The following SEMA5A variants were observed in gnomAD, a reference collection of about 807,000 sequenced individuals.
The protein encoded by SEMA5A is semaphorin-5A.
Under a neutral mutation model 135.5 loss-of-function variants are expected in SEMA5A, and 55 were observed. The ratio of observed to expected loss-of-function variants is 0.41; its 90% CI spans 0.33 to 0.51. The LOEUF (loss-of-function observed/expected upper bound fraction) is 0.51, where lower values mean the gene tolerates loss of function less well. SEMA5A is among the 20% of genes least tolerant of loss of function. The pLI is 0.37. For synonymous variants in SEMA5A, 580 were observed against 546.5 expected (o/e 1.06, Z -0.85); for missense variants, 1,290 against 1,419.9 (o/e 0.91, Z 1.47).
At chr5:9,156,711 C>G (rs1177968422) in intron 11 of SEMA5A, among the ~76,000 whole-genome samples, 1 of 152,146 alleles carries the variant, frequency 6.6e-6, no homozygotes, top group Non-Finnish European at 1.5e-5. Flanking sequence ...GTTCACCAGC[C>G]TAGAGTGGCA....
chr5:9,316,825 C>T (rs139813586), intron 5 of SEMA5A, among the ~76,000 whole-genome samples: 42 of 152,228 alleles, frequency 2.8e-4, no homozygotes, highest in African/African-American at 9.9e-4. Flanking sequence ...GAAATCTACT[C>T]TGTTAGCAAT....
chr5:9,066,688 C>T (rs770845789), intron 16 of SEMA5A, 42 bp from the exon 17 acceptor site: 1 of 1,577,166 alleles, frequency 6.3e-7, no homozygotes, highest in South Asian at 1.1e-5. Context: ...ACGGGGTAAA[C>T]AGAGCAACCT....
Position 9,461,670 on chromosome 5 carries a change from GATGC to G in SEMA5A, c.-174-23822_-174-23819del, listed in dbSNP as rs1759062306. Among the ~76,000 whole-genome samples the G allele has an allele frequency of 2.6e-5, 4 of 152,204 alleles. No homozygotes were observed. The South Asian group carries it at 8.3e-4, about 32-fold the overall frequency. On this transcript the variant is annotated intron_variant, in intron 1 of 22. Transcript: ENST00000382496. The stretch of plus-strand genomic sequence containing the variant: ...ACCTTGCTACCTCTCTTCCCTGAAG[GATGC>G]ATCTGTAAGAAGCGGTGTAATTAGA...
chr5:9,222,388 C>T (rs1193799500), intron 8 of SEMA5A, among the ~76,000 whole-genome samples: 1 of 152,132 alleles, frequency 6.6e-6, no homozygotes, highest in Admixed American at 6.5e-5. Flanking sequence ...GAAGACAACA[C>T]TTCATATGCA....
chr5:9,079,145 A>AT (rs1251172645), intron 16 of SEMA5A, among the ~76,000 whole-genome samples: 1 of 152,110 alleles, frequency 6.6e-6, no homozygotes, highest in African/African-American at 2.4e-5. Context: ...GCCATTTAAA[A>AT]TTTTTTGCTT....
intron 11 of SEMA5A, among the ~76,000 whole-genome samples, chr5:9,167,515 C>A (rs532756489): frequency 4.6e-5 from 7 of 152,282 alleles, no homozygotes; most frequent in Admixed American, 1.3e-4. Context: ...AATTGCAGCT[C>A]ATTTCAATGT....
intron 5 of SEMA5A, among the ~76,000 whole-genome samples, chr5:9,310,802 C>CATATATATATATATATATATAT (rs59096330): frequency 1.2e-4 from 17 of 146,234 alleles, no homozygotes; most frequent in African/African-American, 4.2e-4. Context: ...TGCATATATA[C>CATATATATATATATATATATAT]ATATATATAT....
chr5:9,475,090 C>A (rs192154710), intron 1 of SEMA5A, among the ~76,000 whole-genome samples: 1 of 152,210 alleles, frequency 6.6e-6, no homozygotes, highest in Non-Finnish European at 1.5e-5. Flanking sequence ...TATAGACATG[C>A]ACCACCTACT....
At chr5:9,469,309 C>A (rs1486482935) in intron 1 of SEMA5A, among the ~76,000 whole-genome samples, 1 of 152,108 alleles carries the variant, frequency 6.6e-6, no homozygotes, top group Non-Finnish European at 1.5e-5. Flanking sequence ...ACCCGGCCAG[C>A]AATGGATTTT....
rs187950066 is a variant in SEMA5A, at chr5:9,395,279, G to A, written c.-77-15256C>T. The stretch of plus-strand genomic sequence containing the variant: ...AAGAAAAAACTGGTTCAAAGAATGG[G>A]AGGTGTGAAGATATAAACCTTCATA... On this transcript the variant is annotated intron_variant, in intron 2 of 22. Coordinates refer to ENST00000382496, the MANE Select transcript of SEMA5A (RefSeq NM_003966.3). 7.9e-5 allele frequency among the ~76,000 whole-genome samples: 12 copies of A among 152,290 alleles called. No homozygotes were observed. In the East Asian group the frequency reaches 2.3e-3, roughly 29 times the overall value.
chr5:9,522,353 T>C (rs461415), intron 1 of SEMA5A, among the ~76,000 whole-genome samples: 51,893 of 151,968 alleles, frequency 0.34, 9,053 homozygotes, highest in East Asian at 0.41. Flanking sequence ...GAGGCTAAGA[T>C]GGGCAGATCA....
At chr5:9,237,991 GGCT>G (rs1173773827) in intron 5 of SEMA5A, 101 bp from the exon 6 acceptor site, 2 of 987,582 alleles carry the variant, frequency 2.0e-6, no homozygotes, top group African/African-American at 3.2e-5. Flanking sequence ...TAGGAAATAT[GGCT>G]GCATCCTGGC....
chr5:9,353,411 G>T (rs1375830381), intron 3 of SEMA5A, among the ~76,000 whole-genome samples: 1 of 149,472 alleles, frequency 6.7e-6, no homozygotes, highest in Non-Finnish European at 1.5e-5. Context: ...AGAAAGGAAG[G>T]AAAGGAAGGA....
At chr5:9,320,989 T>G (rs1449290638) in intron 4 of SEMA5A, among the ~76,000 whole-genome samples, 2 of 152,140 alleles carry the variant, frequency 1.3e-5, no homozygotes, top group African/African-American at 4.8e-5. Flanking sequence ...TCTTGAATTT[T>G]AATCCCCATA....
chr5:9,169,556 A>C (rs1220046390), intron 11 of SEMA5A, among the ~76,000 whole-genome samples: 2 of 152,180 alleles, frequency 1.3e-5, no homozygotes, highest in Non-Finnish European at 2.9e-5. Context: ...GATGCAAAGG[A>C]CACATTTGGC....
rs866568179 is a variant in SEMA5A at position 9,418,969 on chromosome 5, T to C, written c.-78+18787A>G. 2.6e-5 allele frequency among the ~76,000 whole-genome samples: 4 copies of C among 152,362 alleles called. No individual in the cohort carries two copies. In the Middle Eastern group the frequency reaches 0.01, roughly 389 times the overall value. ...AGTTAGATTGTTAATTTGAAACCTTTCTAAACCTTTCTAACTTCTTGATGA... is the reference window on the plus strand; with the variant it reads ...AGTTAGATTGTTAATTTGAAACCTTCCTAAACCTTTCTAACTTCTTGATGA... On this transcript the variant is annotated intron_variant, in intron 2 of 22. Coordinates refer to ENST00000382496, the MANE Select transcript of SEMA5A (RefSeq NM_003966.3).
chr5:9,466,998 A>C (rs1759284504), intron 1 of SEMA5A, among the ~76,000 whole-genome samples: 1 of 152,280 alleles, frequency 6.6e-6, no homozygotes, highest in African/African-American at 2.4e-5. Context: ...GCAGAAAGGC[A>C]TCCTCATAAA....
At chr5:9,160,859 C>T (rs1208151637) in intron 11 of SEMA5A, among the ~76,000 whole-genome samples, 1 of 152,128 alleles carries the variant, frequency 6.6e-6, no homozygotes, top group Non-Finnish European at 1.5e-5. Context: ...CACACTGTCA[C>T]ACAAAACAGT....
rs186939272 is a variant in SEMA5A, at chr5:9,254,885, C to G, written c.271-16995G>C. 6.8e-4 allele frequency among the ~76,000 whole-genome samples: 103 copies of G among 152,154 alleles called. No homozygotes were observed. The Middle Eastern group carries it at 0.01, about 15-fold the overall frequency. ...AATAAAAGATTAGCTAGTTTAAGCC[C>G]GTGGTGATAAGGCAACGAGGCTGAA... On this transcript the variant is annotated intron_variant, in intron 5 of 22. Transcript: ENST00000382496.
Sources: allele counts gnomAD v4.1 joint callset (sites outside exome capture counted in the v4.1 genomes callset), GRCh38; gene constraint gnomAD v4.1.1; transcripts MANE v1.5; gene names NCBI Gene and HGNC (gene_info 2026-07-23, HGNC 2026-07-21).